Variants in SGCG observed in about 807,000 individuals in gnomAD.
SGCG encodes the protein gamma-sarcoglycan.
In SGCG, 26 loss-of-function variants were observed where a neutral mutation model predicts 29.3. The ratio of observed to expected loss-of-function variants is 0.89; its 90% CI spans 0.65 to 1.23. The LOEUF (loss-of-function observed/expected upper bound fraction) is 1.23. Ranked by LOEUF, SGCG falls within the 50% of genes most tolerant of loss-of-function variation. The probability of loss-of-function intolerance (pLI) is 0.00; values close to 1 mark genes in which losing one functional copy is unlikely to be tolerated. For missense variants in SGCG, 353 were observed against 356.0 expected, an observed-to-expected ratio of 0.99 and a Z score of 0.07; for synonymous variants, 145 against 129.7, an observed-to-expected ratio of 1.12 and a Z score of -0.80.
intron 1 of SGCG, among the ~76,000 whole-genome samples, chr13:23,200,847 G>T (rs138263342): frequency 6.6e-5 from 10 of 152,258 alleles, no homozygotes; most frequent in African/African-American, 2.4e-4. Flanking sequence ...GAGTCCCTGA[G>T]GTGGGGTCAC....
intron 6 of SGCG, among the ~76,000 whole-genome samples, chr13:23,308,336 C>T (rs897089786): frequency 6.6e-6 from 1 of 152,114 alleles, no homozygotes; most frequent in African/African-American, 2.4e-5. Flanking sequence ...AGTGGGAATA[C>T]CCAGTTGTCT....
chr13:23,171,393 T>C, the SGCG span, among the ~76,000 whole-genome samples: 1 of 152,208 alleles, frequency 6.6e-6, no homozygotes, highest in South Asian at 2.1e-4. Context: ...AGAAAGTAAA[T>C]TTAAAGCTCA....
intron 6 of SGCG, among the ~76,000 whole-genome samples, chr13:23,299,181 C>T (rs993893423): frequency 9.9e-5 from 15 of 151,784 alleles, no homozygotes; most frequent in Non-Finnish European, 1.2e-4. Flanking sequence ...GCTTTGACTC[C>T]AGAGCCCATG....
At chr13:23,299,276 A>G (rs776666004) in intron 6 of SGCG, among the ~76,000 whole-genome samples, 1 of 134,808 alleles carries the variant, frequency 7.4e-6, no homozygotes, top group Non-Finnish European at 1.6e-5. Flanking sequence ...CTGACTGATT[A>G]TATGATGGTC....
intron 5 of SGCG, among the ~76,000 whole-genome samples, chr13:23,292,843 ATATACT>A (rs1394694166): frequency 6.6e-6 from 1 of 152,194 alleles, no homozygotes; most frequent in African/African-American, 2.4e-5. Context: ...ACCACAGTAA[ATATACT>A]TATATAAAAT....
At chr13:23,321,045 C>A (rs1045115469) in intron 7 of SGCG, among the ~76,000 whole-genome samples, 1 of 151,590 alleles carries the variant, frequency 6.6e-6, no homozygotes, top group Non-Finnish European at 1.5e-5. Flanking sequence ...AAAAAAAAAA[C>A]ACTACAGACG....
chr13:23,189,655 A>G (rs1403963683), intron 1 of SGCG, among the ~76,000 whole-genome samples: 1 of 152,186 alleles, frequency 6.6e-6, no homozygotes, highest in East Asian at 1.9e-4. Flanking sequence ...GGACATGGGG[A>G]CTGGCCTCAA....
chr13:23,202,106 C>T (rs1279810136), intron 1 of SGCG, among the ~76,000 whole-genome samples: 1 of 152,192 alleles, frequency 6.6e-6, no homozygotes. Context: ...AGAGTATCTA[C>T]TCTTTGCTTC....
chr13:23,216,925 T>C lies in SGCG; in HGVS notation c.195+13036T>C, dbSNP rs1229314099. 2.6e-5 allele frequency among the ~76,000 whole-genome samples: 4 copies of C among 152,126 alleles called. No individual in the cohort carries two copies. In the South Asian group the frequency reaches 6.2e-4, roughly 24 times the overall value. On this transcript the variant is annotated intron_variant, in intron 2 of 7. Transcript: ENST00000218867. ...GTTCCACCACACTGTTCATAATATATTGAGAAGCACATTCAGCTATGTGGA... is the reference window on the plus strand; with the variant it reads ...GTTCCACCACACTGTTCATAATATACTGAGAAGCACATTCAGCTATGTGGA...
intron 4 of SGCG, among the ~76,000 whole-genome samples, chr13:23,263,023 A>G (rs1346467316): frequency 1.3e-5 from 2 of 152,084 alleles, no homozygotes; most frequent in Non-Finnish European, 2.9e-5. Context: ...AGGAAAGTTT[A>G]TAGCCCAAAT....
At chr13:23,254,748 T>C (rs2137575801) in intron 4 of SGCG, among the ~76,000 whole-genome samples, 1 of 152,234 alleles carries the variant, frequency 6.6e-6, no homozygotes, top group East Asian at 1.9e-4. Context: ...CACAGAGGCC[T>C]AAGAGGAAAC....
chr13:23,212,250 G>A (rs924272843), intron 2 of SGCG, among the ~76,000 whole-genome samples: 2 of 152,164 alleles, frequency 1.3e-5, no homozygotes, highest in East Asian at 1.9e-4. Flanking sequence ...GTAGCAATGC[G>A]AGAATGGACT....
chr13:23,178,320 G>T (rs1340974489), upstream of SGCG, among the ~76,000 whole-genome samples: 1 of 152,208 alleles, frequency 6.6e-6, no homozygotes, highest in Admixed American at 6.5e-5. Context: ...TGAAGTTAGT[G>T]ACTGGTAGAC....
intron 3 of SGCG, among the ~76,000 whole-genome samples, chr13:23,241,351 A>G (rs906428994): frequency 1.3e-5 from 2 of 152,126 alleles, no homozygotes; most frequent in African/African-American, 4.8e-5. Context: ...GTATTTGTCA[A>G]TAAGTTTGAA....
chr13:23,226,209 A>G (rs1296169036), intron 2 of SGCG, among the ~76,000 whole-genome samples: 2 of 152,248 alleles, frequency 1.3e-5, no homozygotes, highest in South Asian at 2.1e-4. Context: ...AAGATCGTCT[A>G]TTATGCTGCT....
At chr13:23,241,774 GTCAAC>G (rs1226811091) in intron 3 of SGCG, among the ~76,000 whole-genome samples, 1 of 152,126 alleles carries the variant, frequency 6.6e-6, no homozygotes, top group Non-Finnish European at 1.5e-5. Flanking sequence ...GCCAGGATGA[GTCAAC>G]ATATGCAAAA....
At chr13:23,162,341 G>T in the SGCG span, among the ~76,000 whole-genome samples, 1 of 152,202 alleles carries the variant, frequency 6.6e-6, no homozygotes, top group Non-Finnish European at 1.5e-5. Context: ...CTGGGCGGGC[G>T]CGGTGGCTCA....
chr13:23,310,729 A>G (rs73441088), intron 6 of SGCG, among the ~76,000 whole-genome samples: 4,976 of 150,996 alleles, frequency 0.033, 254 homozygotes, highest in African/African-American at 0.11. Flanking sequence ...CCTCCTCTCC[A>G]CCCATATTTC....
the SGCG span, among the ~76,000 whole-genome samples, chr13:23,171,542 G>A: frequency 6.6e-6 from 1 of 152,164 alleles, no homozygotes; most frequent in Non-Finnish European, 1.5e-5. Flanking sequence ...GAGGCTATAA[G>A]GCATCTGCAT....
Sources: allele counts gnomAD v4.1 joint callset (sites outside exome capture counted in the v4.1 genomes callset), GRCh38; gene constraint gnomAD v4.1.1; transcripts MANE v1.5; gene names NCBI Gene and HGNC (gene_info 2026-07-23, HGNC 2026-07-21).